UST: variants seen among roughly 807,000 people sequenced by gnomAD.
UST encodes uronyl 2-sulfotransferase.
Under a neutral mutation model 45.6 loss-of-function variants are expected in UST, and 21 were observed. The ratio of observed to expected loss-of-function variants is 0.46; its 90% confidence interval spans 0.33 to 0.66. The LOEUF is 0.66. Ranked by LOEUF, UST falls within the 30% of genes least tolerant of loss-of-function variation. The pLI is 0.02. For missense variants in UST, 463 were observed against 512.4 expected, an observed-to-expected ratio of 0.90 and a Z score of 0.93; for synonymous variants, 215 against 200.6, an observed-to-expected ratio of 1.07 and a Z score of -0.61.
intron 3 of UST, 97 bp downstream of exon 3, chr6:148,941,531 G>A (rs1241528506): frequency 1.5e-6 from 2 of 1,330,626 alleles, no homozygotes; most frequent in Middle Eastern, 2.4e-4. Context: ...CTCCTGATGA[G>A]TGAATACCAG....
intron 1 of UST, among the ~76,000 whole-genome samples, chr6:148,799,106 G>A (rs181743030): frequency 4.6e-5 from 7 of 152,240 alleles, no homozygotes; most frequent in African/African-American, 1.7e-4. Flanking sequence ...CTGACCTCAG[G>A]TGATTCACCT....
intron 2 of UST, among the ~76,000 whole-genome samples, chr6:148,900,564 C>A (rs1779232233): frequency 6.6e-6 from 1 of 152,190 alleles, no homozygotes; most frequent in African/African-American, 2.4e-5. Flanking sequence ...GCCTCCCAGC[C>A]TTGTGGAACT....
At chr6:148,897,006 A>G (rs1443257207) in intron 2 of UST, among the ~76,000 whole-genome samples, 1 of 152,126 alleles carries the variant, frequency 6.6e-6, no homozygotes, top group African/African-American at 2.4e-5. Flanking sequence ...TGCCTGACAC[A>G]TGGTAGCACC....
At chr6:148,873,729 A>G (rs751585774) in intron 1 of UST, among the ~76,000 whole-genome samples, 1 of 152,120 alleles carries the variant, frequency 6.6e-6, no homozygotes, top group African/African-American at 2.4e-5. Flanking sequence ...AGCAGCTTCT[A>G]TTGTAAACTG....
chr6:149,012,804 T>C, intron 5 of UST, among the ~76,000 whole-genome samples: 2 of 104,168 alleles, frequency 1.9e-5, no homozygotes, highest in Non-Finnish European at 4.5e-5. Flanking sequence ...AGTCACTATT[T>C]AAAAAAAAAA....
chr6:148,865,810 G>A (rs1451537318), intron 1 of UST, among the ~76,000 whole-genome samples: 2 of 151,644 alleles, frequency 1.3e-5, no homozygotes, highest in Non-Finnish European at 2.9e-5. Flanking sequence ...TTGGATAGGT[G>A]GAAAGATGGG....
chr6:148,763,350 G>A (rs191297322), intron 1 of UST, among the ~76,000 whole-genome samples: 134 of 152,090 alleles, frequency 8.8e-4, no homozygotes, highest in Middle Eastern at 3.4e-3. Context: ...CTTTTTAATA[G>A]GGTTATTTGC....
At chr6:149,004,248 G>A (rs1781605953) in intron 5 of UST, among the ~76,000 whole-genome samples, 1 of 152,232 alleles carries the variant, frequency 6.6e-6, no homozygotes, top group Admixed American at 6.5e-5. Flanking sequence ...CAGAGGAATA[G>A]AATTGTCAAC....
intron 5 of UST, among the ~76,000 whole-genome samples, chr6:148,966,531 T>C (rs1780802324): frequency 6.6e-6 from 1 of 152,188 alleles, no homozygotes; most frequent in African/African-American, 2.4e-5. Context: ...AAACACGTCT[T>C]ATGAACACTA....
At chr6:149,071,885 C>T (rs1233874639) in intron 7 of UST, among the ~76,000 whole-genome samples, 1 of 152,104 alleles carries the variant, frequency 6.6e-6, no homozygotes, top group Non-Finnish European at 1.5e-5. Flanking sequence ...ATTTGTTGGA[C>T]ACATGCTTGT....
chr6:148,941,956 C>A (rs1323990918), intron 3 of UST, among the ~76,000 whole-genome samples: 3 of 152,114 alleles, frequency 2.0e-5, no homozygotes, highest in African/African-American at 7.2e-5. Flanking sequence ...TTCACAGGAA[C>A]AATTTTGCCC....
intron 1 of UST, among the ~76,000 whole-genome samples, chr6:148,864,452 C>T (rs1010064563): frequency 2.6e-5 from 4 of 152,244 alleles, no homozygotes; most frequent in Non-Finnish European, 4.4e-5. Context: ...TTGCACTTCC[C>T]GGGTGAGGCG....
chr6:148,958,840 CT>C (rs1562312938), intron 4 of UST: 1 of 152,226 alleles, frequency 6.6e-6, no homozygotes, highest in Non-Finnish European at 1.5e-5. Context: ...CCTTAAGAAG[CT>C]TTGCCTCAGA....
intron 7 of UST, among the ~76,000 whole-genome samples, chr6:149,046,325 G>A (rs930973302): frequency 2.0e-5 from 3 of 152,202 alleles, no homozygotes; most frequent in Non-Finnish European, 4.4e-5. Flanking sequence ...ACTGGCCAGG[G>A]GTAGGGCCAC....
chr6:148,846,488 C>T (rs899923841), intron 1 of UST, among the ~76,000 whole-genome samples: 3 of 151,866 alleles, frequency 2.0e-5, no homozygotes, highest in African/African-American at 7.3e-5. Context: ...AGGAGATATA[C>T]CTAATGCTAA....
intron 7 of UST, among the ~76,000 whole-genome samples, chr6:149,043,003 CTTTCTTTCTTTCTTTCTTTT>C (rs1776340925): frequency 8.6e-6 from 1 of 115,900 alleles, no homozygotes; most frequent in East Asian, 2.0e-4. Flanking sequence ...TTCTTTCTTT[CTTTCTTTCTTTCTTTCTTTT>C]TCTTTCTTTC....
At chr6:149,052,493 T>C (rs1215713780) in intron 7 of UST, among the ~76,000 whole-genome samples, 1 of 152,150 alleles carries the variant, frequency 6.6e-6, no homozygotes, top group East Asian at 1.9e-4. Context: ...TTCATAACGC[T>C]TCTATGTTAC....
intron 1 of UST, among the ~76,000 whole-genome samples, chr6:148,785,180 G>A (rs552594133): frequency 2.7e-5 from 4 of 149,888 alleles, no homozygotes; most frequent in East Asian, 2.0e-4. Context: ...CAGCCTGGGC[G>A]ACAGAGCAAG....
chr6:148,987,717 C>A (rs1781263759), intron 5 of UST, among the ~76,000 whole-genome samples: 1 of 152,226 alleles, frequency 6.6e-6, no homozygotes, highest in East Asian at 1.9e-4. Context: ...CAGGACCCAC[C>A]GTGTGACAGG....
Sources: gnomAD v4.1 joint callset for allele counts (sites outside exome capture counted in the v4.1 genomes callset) on GRCh38, gnomAD v4.1.1 for gene constraint, MANE v1.5 for transcripts, NCBI Gene and HGNC (gene_info 2026-07-23, HGNC 2026-07-21) for gene names.